GABBR2: variants seen among roughly 807,000 people sequenced by gnomAD.
GABBR2 encodes the protein G-protein coupled receptor 51.
GABBR2 carries 23 observed loss-of-function variants against 105.6 expected under a neutral mutation model. That is an observed-to-expected ratio of 0.22 (90% confidence interval 0.16 to 0.31). The LOEUF (loss-of-function observed/expected upper bound fraction) is 0.31, where lower values mean the gene tolerates loss of function less well. Among genes scored for constraint, GABBR2 ranks in the 10% least tolerant of loss-of-function variants. GABBR2 has a pLI of 1.00. For synonymous variants in GABBR2, 478 were observed against 499.7 expected, an observed-to-expected ratio of 0.96 and a Z score of 0.58; for missense variants, 734 against 1,245.5, an observed-to-expected ratio of 0.59 and a Z score of 6.18.
chr9:98,522,488 C>A (rs1015916854), intron 3 of GABBR2, among the ~76,000 whole-genome samples: 5 of 152,058 alleles, frequency 3.3e-5, no homozygotes, highest in African/African-American at 1.2e-4. Flanking sequence ...GTACAGGCGA[C>A]TAAAAAACTT....
At chr9:98,507,977 C>T (rs528193160) in intron 3 of GABBR2, among the ~76,000 whole-genome samples, 46 of 152,286 alleles carry the variant, frequency 3.0e-4, no homozygotes, top group African/African-American at 8.9e-4. Context: ...TAGGAGCAGT[C>T]GGTGAAGTCA....
At chr9:98,339,363 GGAGCAAT>G (rs2131403631) in intron 13 of GABBR2, among the ~76,000 whole-genome samples, 1 of 151,794 alleles carries the variant, frequency 6.6e-6, no homozygotes, top group Non-Finnish European at 1.5e-5. Flanking sequence ...TGACTTGGAA[GGAGCAAT>G]GAGCTGGAGT....
At chr9:98,436,869 CTG>C (rs1359745942) in intron 7 of GABBR2, among the ~76,000 whole-genome samples, 6 of 152,126 alleles carry the variant, frequency 3.9e-5, no homozygotes, top group Non-Finnish European at 7.3e-5. Context: ...ACTGACAACT[CTG>C]AAACATCTCT....
chr9:98,357,400 C>A (rs1831502532), intron 13 of GABBR2, among the ~76,000 whole-genome samples: 1 of 152,094 alleles, frequency 6.6e-6, no homozygotes, highest in African/African-American at 2.4e-5. Flanking sequence ...GTCATCGCGG[C>A]ACTTTGGGAG....
rs1450398009 is a variant in GABBR2 at position 98,454,859 on chromosome 9, A to C, written c.1000-642T>G. Among the ~76,000 whole-genome samples the C allele has an allele frequency of 2.6e-5, 4 of 151,424 alleles. No individual in the cohort carries two copies. The highest frequency in any genetic ancestry group is 5.9e-5 in the Non-Finnish European group (4 of 67,908). Reference sequence around the variant, plus strand: ...AGCATCAGTAGCTCCCTGTACCCTCAAAGGCACAGTCTACCCTCAAGAACT... The same window carrying C: ...AGCATCAGTAGCTCCCTGTACCCTCCAAGGCACAGTCTACCCTCAAGAACT... On this transcript the variant is annotated intron_variant, in intron 6 of 18. Transcript: ENST00000259455. The surrounding 1 kb of genome is among the most constrained non-coding windows in gnomAD (Gnocchi z 4.6).
At chr9:98,483,754 C>T (rs1826982113) in intron 4 of GABBR2, among the ~76,000 whole-genome samples, 1 of 152,116 alleles carries the variant, frequency 6.6e-6, no homozygotes, top group Non-Finnish European at 1.5e-5. Context: ...TTAGCCCAGG[C>T]TCCTCTGTTC....
intron 13 of GABBR2, among the ~76,000 whole-genome samples, chr9:98,327,589 C>A (rs569142422): frequency 1.3e-5 from 2 of 151,968 alleles, no homozygotes; most frequent in South Asian, 4.2e-4. Flanking sequence ...AAATATAAGG[C>A]CGGGCGCAGT....
chr9:98,650,731 T>A (rs529784706), intron 1 of GABBR2, among the ~76,000 whole-genome samples: 46 of 152,324 alleles, frequency 3.0e-4, no homozygotes, highest in African/African-American at 1.1e-3. Context: ...GGTGTATAAA[T>A]ACAATAGCAG....
chr9:98,589,608 C>T (rs958333218), intron 1 of GABBR2, among the ~76,000 whole-genome samples: 1 of 151,976 alleles, frequency 6.6e-6, no homozygotes, highest in Non-Finnish European at 1.5e-5. Context: ...GTATATATGC[C>T]TTACATTTTA....
chr9:98,423,693 T>A (rs1298335684), intron 7 of GABBR2, among the ~76,000 whole-genome samples: 14 of 152,256 alleles, frequency 9.2e-5, no homozygotes, highest in Non-Finnish European at 1.8e-4. Context: ...GCCTATGTCC[T>A]GAATGGTAAT....
intron 1 of GABBR2, among the ~76,000 whole-genome samples, chr9:98,684,112 A>G (rs1047236088): frequency 7.0e-6 from 1 of 142,852 alleles, no homozygotes; most frequent in East Asian, 2.1e-4. Flanking sequence ...TGGCAGAGCC[A>G]GAAAGCTCTT....
intron 11 of GABBR2, among the ~76,000 whole-genome samples, chr9:98,376,690 GC>G (rs755230977): frequency 6.6e-6 from 1 of 152,190 alleles, no homozygotes; most frequent in Non-Finnish European, 1.5e-5. Context: ...TCTAGAAACA[GC>G]CCCAGAAGAC....
chr9:98,301,796 C>CA (rs1360180204), intron 16 of GABBR2, among the ~76,000 whole-genome samples: 1 of 152,142 alleles, frequency 6.6e-6, no homozygotes, highest in Non-Finnish European at 1.5e-5. Flanking sequence ...GATATTGAAA[C>CA]AGAGCCTGTA....
chr9:98,674,383 T>A (rs1308518785), intron 1 of GABBR2, among the ~76,000 whole-genome samples: 1 of 152,166 alleles, frequency 6.6e-6, no homozygotes, highest in African/African-American at 2.4e-5. Flanking sequence ...GGGGGTGCCA[T>A]AGGATCCTTC....
intron 4 of GABBR2, among the ~76,000 whole-genome samples, chr9:98,492,497 A>G (rs1379314441): frequency 6.6e-6 from 1 of 152,046 alleles, no homozygotes; most frequent in Non-Finnish European, 1.5e-5. Flanking sequence ...GTCACAATGA[A>G]TAAATATTGA....
At chr9:98,607,908 G>A in intron 1 of GABBR2, 4 of 1,439,786 alleles carry the variant, frequency 2.8e-6, no homozygotes, top group Non-Finnish European at 3.8e-6. Flanking sequence ...AGGTGTTTGA[G>A]ATGAAGGTCA....
rs1830901877 is a variant in GABBR2, at chr9:98,325,283, C to CCT, written c.1894-14079_1894-14078insAG. On this transcript the variant is annotated intron_variant, in intron 13 of 18. Transcript: ENST00000259455. ...TTCCCTTGGCTCTAGGACAGCAATT[C>CCT]TTTTTTTTTTTTTTTTTTTTTTTTT... is the stretch of plus-strand genomic sequence containing the variant. 1.5e-4 allele frequency among the ~76,000 whole-genome samples: 10 copies of CCT among 67,648 alleles called. No homozygotes were observed. The South Asian group carries it at 6.1e-3, about 41-fold the overall frequency. 44.4% of individuals were successfully genotyped at this position (67,648 alleles called of 152,430 possible).
chr9:98,420,782 C>T lies in GABBR2; in HGVS notation c.1237-14641G>A, dbSNP rs1313650094. On this transcript the variant is annotated intron_variant, in intron 7 of 18. Transcript: ENST00000259455. Reference sequence around the variant, plus strand: ...AAGGTTGGGGATGGTGAGAGTGTACCAGGAAGAAGGAATCACCTGTGTAAA... The same window carrying T: ...AAGGTTGGGGATGGTGAGAGTGTACTAGGAAGAAGGAATCACCTGTGTAAA... Among the ~76,000 whole-genome samples the T allele has an allele frequency of 2.0e-5, 3 of 152,086 alleles. No individual in the cohort carries two copies. In the East Asian group the frequency reaches 5.8e-4, roughly 29 times the overall value.
At chr9:98,406,014 T>A in intron 8 of GABBR2, 67 bp downstream of exon 8, 1 of 879,602 alleles carries the variant, frequency 1.1e-6, no homozygotes, top group Non-Finnish European at 1.9e-6. Flanking sequence ...ATGTATTATA[T>A]TGCATAAAAC....
Sources: gnomAD v4.1 joint callset for allele counts (sites outside exome capture counted in the v4.1 genomes callset) on GRCh38, gnomAD v4.1.1 for gene constraint, Gnocchi (gnomAD v3.1) non-coding constraint, MANE v1.5 for transcripts, NCBI Gene and HGNC (gene_info 2026-07-23, HGNC 2026-07-21) for gene names.